Variants in CTNNA2 observed in about 807,000 individuals in gnomAD.
CTNNA2 encodes the protein catenin alpha-2.
CTNNA2 carries 42 observed loss-of-function variants against 101.0 expected under a neutral mutation model. The ratio of observed to expected loss-of-function variants is 0.42; its 90% CI spans 0.32 to 0.54. The LOEUF (loss-of-function observed/expected upper bound fraction) is 0.54, where lower values mean the gene tolerates loss of function less well. Among genes scored for constraint, CTNNA2 ranks in the 20% least tolerant of loss-of-function variants. CTNNA2 has a pLI of 0.14. For missense variants in CTNNA2, 871 were observed against 1,223.1 expected (o/e 0.71, Z 4.29); for synonymous variants, 450 against 456.4 (o/e 0.99, Z 0.18).
At chr2:79,615,094 C>A (rs991483115) in intron 1 of CTNNA2, among the ~76,000 whole-genome samples, 4 of 152,058 alleles carry the variant, frequency 2.6e-5, no homozygotes, top group Non-Finnish European at 5.9e-5. Flanking sequence ...GTAAAATCAG[C>A]AGAAATTTAA....
intron 6 of CTNNA2, among the ~76,000 whole-genome samples, chr2:79,889,931 G>A (rs919605299): frequency 7.9e-5 from 12 of 152,160 alleles, no homozygotes; most frequent in Non-Finnish European, 1.5e-5. Flanking sequence ...GTCTTGAGAG[G>A]CTGGCCATTC....
chr2:79,488,331 A>AC (rs1161991663), intron 4 of CTNNA2, among the ~76,000 whole-genome samples: 1 of 67,752 alleles, frequency 1.5e-5, no homozygotes, highest in East Asian at 2.9e-4. Context: ...AAAAAAAAAA[A>AC]AAAAAAAAAA....
intron 2 of CTNNA2, among the ~76,000 whole-genome samples, chr2:79,220,162 GTA>G (rs1558577727): frequency 1.3e-5 from 2 of 151,714 alleles, no homozygotes; most frequent in African/African-American, 2.4e-5. Context: ...GTATATATAT[GTA>G]TGTGTGTGTG....
chr2:79,268,319 G>T (rs1442772691), intron 2 of CTNNA2, among the ~76,000 whole-genome samples: 1 of 152,094 alleles, frequency 6.6e-6, no homozygotes, highest in African/African-American at 2.4e-5. Context: ...AGAGGCCTCG[G>T]TGTTCCTAGC....
chr2:80,329,117 C>G (rs1271996522), intron 7 of CTNNA2, among the ~76,000 whole-genome samples: 2 of 152,120 alleles, frequency 1.3e-5, no homozygotes, highest in African/African-American at 4.8e-5. Flanking sequence ...GCAGAAAGTT[C>G]CCGAGAATCA....
intron 9 of CTNNA2, among the ~76,000 whole-genome samples, chr2:80,515,214 T>C (rs1689020628): frequency 6.6e-6 from 1 of 151,692 alleles, no homozygotes. Context: ...GAGTTTCAAA[T>C]AGGATTTTTT....
chr2:80,462,655 C>T (rs1312864583), intron 9 of CTNNA2, among the ~76,000 whole-genome samples: 6 of 46,180 alleles, frequency 1.3e-4, no homozygotes, highest in African/African-American at 4.5e-4. Flanking sequence ...TTTTTTTTGA[C>T]GAATAAAGAG....
At chr2:80,255,352 C>T (rs566400504) in intron 7 of CTNNA2, among the ~76,000 whole-genome samples, 12 of 152,010 alleles carry the variant, frequency 7.9e-5, no homozygotes, top group South Asian at 2.1e-4. Flanking sequence ...TGATTCCATA[C>T]GGGCTCTGGT....
At chr2:79,981,199 G>A (rs1691241012) in intron 7 of CTNNA2, among the ~76,000 whole-genome samples, 2 of 151,936 alleles carry the variant, frequency 1.3e-5, no homozygotes, top group Non-Finnish European at 2.9e-5. Flanking sequence ...AAACAGAGGG[G>A]AAAAAACAGG....
At chr2:80,081,196 C>A (rs1041083991) in intron 7 of CTNNA2, among the ~76,000 whole-genome samples, 1 of 151,718 alleles carries the variant, frequency 6.6e-6, no homozygotes, top group African/African-American at 2.4e-5. Flanking sequence ...CACAGCAAAT[C>A]GGCTTCAGCT....
At chr2:80,271,055 A>G (rs1215225464) in intron 7 of CTNNA2, among the ~76,000 whole-genome samples, 2 of 152,146 alleles carry the variant, frequency 1.3e-5, no homozygotes, top group Admixed American at 6.5e-5. Context: ...CTCAATCCCA[A>G]TCCTGTAATG....
Position 79,878,183 on chromosome 2 carries a change from A to G in CTNNA2, c.852+3841A>G, listed in dbSNP as rs537741802. 6.6e-5 allele frequency among the ~76,000 whole-genome samples: 10 copies of G among 152,298 alleles called. No individual in the cohort carries two copies. In the East Asian group the frequency reaches 1.9e-3, roughly 29 times the overall value. ...ATGGCTGCATAGTATTCCATGGTGT[A>G]TATGTAGCACATTTTCTTTATCCAG... On this transcript the variant is annotated intron_variant, in intron 6 of 18. Transcript: ENST00000402739.
rs142455889 is a variant in CTNNA2, at chr2:79,833,663, A to G, written c.299-24350A>G. On this transcript the variant is annotated intron_variant, in intron 3 of 18. Coordinates refer to ENST00000402739, the MANE Select transcript of CTNNA2 (RefSeq NM_001282597.3). ...AATGTACTCATACTGGTACATCACTATATCATCATGTTATTGCCAAATAGG... is the reference window on the plus strand; with the variant it reads ...AATGTACTCATACTGGTACATCACTGTATCATCATGTTATTGCCAAATAGG... Among the ~76,000 whole-genome samples the G allele has an allele frequency of 3.2e-4, 48 of 152,310 alleles. 1 individual carries two copies. In the East Asian group the frequency reaches 8.7e-3, roughly 28 times the overall value.
chr2:79,426,024 A>C (rs1678589265), intron 4 of CTNNA2, among the ~76,000 whole-genome samples: 1 of 152,170 alleles, frequency 6.6e-6, no homozygotes, highest in Non-Finnish European at 1.5e-5. Context: ...TAAAAGTTGT[A>C]GGATTGGTGG....
intron 4 of CTNNA2, among the ~76,000 whole-genome samples, chr2:79,463,728 C>G (rs1670903224): frequency 6.6e-6 from 1 of 152,134 alleles, no homozygotes; most frequent in East Asian, 1.9e-4. Flanking sequence ...CTCAACAGAT[C>G]ATTCTGAGAT....
At chr2:80,139,976 G>A (rs1344092612) in intron 7 of CTNNA2, among the ~76,000 whole-genome samples, 9 of 152,202 alleles carry the variant, frequency 5.9e-5, no homozygotes, top group Non-Finnish European at 1.3e-4. Context: ...TGAGACATCA[G>A]GTTACACATT....
chr2:80,619,340 T>C, intron 18 of CTNNA2, 112 bp downstream of exon 18: 1 of 1,220,976 alleles, frequency 8.2e-7, no homozygotes, highest in Non-Finnish European at 1.1e-6. Context: ...GGCCTCTTAA[T>C]ATTAACCAAC....
chr2:79,948,492 A>T (rs1009009988), intron 7 of CTNNA2, among the ~76,000 whole-genome samples: 8 of 152,236 alleles, frequency 5.3e-5, no homozygotes, highest in African/African-American at 1.9e-4. Context: ...TGGATTAATG[A>T]CAGTGAAGTG....
intron 7 of CTNNA2, among the ~76,000 whole-genome samples, chr2:80,058,062 T>G (rs1473997679): frequency 1.3e-5 from 2 of 152,220 alleles, no homozygotes; most frequent in African/African-American, 4.8e-5. Context: ...TAAGTATGTA[T>G]AGTGAGTGGC....
Sources: allele counts gnomAD v4.1 joint callset (sites outside exome capture counted in the v4.1 genomes callset), GRCh38; gene constraint gnomAD v4.1.1; transcripts MANE v1.5; gene names NCBI Gene and HGNC (gene_info 2026-07-23, HGNC 2026-07-21).